Variants in MPPED1 observed in about 807,000 individuals in gnomAD.
MPPED1 encodes the protein metallophosphoesterase domain-containing protein 1.
A neutral mutation model predicts 36.2 loss-of-function variants in MPPED1; 16 were observed. The ratio of observed to expected loss-of-function variants is 0.44; its 90% CI spans 0.30 to 0.67. The LOEUF (loss-of-function observed/expected upper bound fraction) is 0.67, where lower values mean the gene tolerates loss of function less well. Ranked by LOEUF, MPPED1 falls within the 30% of genes least tolerant of loss-of-function variation. The pLI is 0.10. For synonymous variants in MPPED1, 199 were observed against 191.3 expected (o/e 1.04, Z -0.33); for missense variants, 307 against 453.4 (o/e 0.68, Z 2.93).
rs1054686921 is a variant in MPPED1 at position 43,424,815 on chromosome 22, C to T, written c.-78-93C>T. On this transcript the variant is annotated intron_variant, in intron 1 of 6. Transcript: ENST00000443721. ...ACTGTGTTTTTTTTTCCTCTCCCCC[C>T]GCCCTCTCCCTCTTTCTAAATCTTC... The T allele has an allele frequency of 7.0e-5, 99 of 1,421,300 alleles. No individual in the cohort carries two copies. In the Admixed American group the frequency reaches 2.0e-3, roughly 28 times the overall value. 88.0% of individuals were successfully genotyped at this position (1,421,300 alleles called of 1,614,324 possible).
chr22:43,491,281 G>C lies in MPPED1; in HGVS notation c.633-6954G>C, dbSNP rs550503803. 6.1e-3 allele frequency among the ~76,000 whole-genome samples: 922 copies of C among 152,276 alleles called. 3 individuals are homozygous for C. The highest frequency in any genetic ancestry group is 0.021 in the African/African-American group (873 of 41,554). On this transcript the variant is annotated intron_variant, in intron 4 of 6. Coordinates refer to ENST00000443721, the MANE Select transcript of MPPED1 (RefSeq NM_001044370.2). Reference sequence around the variant, plus strand: ...TGGTGATATAGGAGGTGATGGTGATGGTGGTGATATTGATAATGGTGGTGT... The same window carrying C: ...TGGTGATATAGGAGGTGATGGTGATCGTGGTGATATTGATAATGGTGGTGT...
chr22:43,496,296 T>A (rs1180516774), intron 4 of MPPED1, among the ~76,000 whole-genome samples: 4 of 47,464 alleles, frequency 8.4e-5, no homozygotes, highest in Admixed American at 2.2e-4. Flanking sequence ...GTGGAGGTGG[T>A]GGTGGAGGTA....
chr22:43,460,881 C>G (rs551796922), intron 3 of MPPED1, among the ~76,000 whole-genome samples: 1 of 152,310 alleles, frequency 6.6e-6, no homozygotes. Context: ...GCATGATCCT[C>G]TAGATGTCCT....
At chr22:43,500,184 A>ATGG (rs1555904910) in intron 5 of MPPED1, among the ~76,000 whole-genome samples, 1 of 12,788 alleles carries the variant, frequency 7.8e-5, no homozygotes, top group Non-Finnish European at 1.3e-4. Flanking sequence ...GGTGGTGGTG[A>ATGG]TGGTGATGGA....
intron 1 of MPPED1, among the ~76,000 whole-genome samples, chr22:43,420,869 T>G (rs1268185056): frequency 2.0e-5 from 3 of 152,240 alleles, no homozygotes; most frequent in African/African-American, 7.2e-5. Flanking sequence ...AGCCTCTTTG[T>G]TTTTCCATTG....
chr22:43,438,327 C>G (rs561611025), intron 3 of MPPED1, among the ~76,000 whole-genome samples: 1 of 152,258 alleles, frequency 6.6e-6, no homozygotes, highest in East Asian at 1.9e-4. Flanking sequence ...CAGCTCTGGG[C>G]AGGACCCGTT....
chr22:43,457,378 C>T (rs1260278083), intron 3 of MPPED1, among the ~76,000 whole-genome samples: 2 of 152,076 alleles, frequency 1.3e-5, no homozygotes, highest in Non-Finnish European at 2.9e-5. Context: ...CATTCTTTTA[C>T]TTTCAACCCA....
At chr22:43,482,119 C>T (rs1036300231) in intron 4 of MPPED1, among the ~76,000 whole-genome samples, 1 of 152,060 alleles carries the variant, frequency 6.6e-6, no homozygotes, top group Admixed American at 6.6e-5. Flanking sequence ...GGTACAAAAT[C>T]CCAAGTGTTA....
rs189538694 is a variant in MPPED1 at position 43,449,839 on chromosome 22, C to T, written c.406+14624C>T. ...GTTTCTCACAGGGCCTTGGTGAGAC[C>T]CGAACAAGATAATGCAGGTGAAGTG... is the stretch of plus-strand genomic sequence containing the variant. On this transcript the variant is annotated intron_variant, in intron 3 of 6. Transcript: ENST00000443721. Among the ~76,000 whole-genome samples, 4 of 151,778 alleles carry T rather than the reference C, an allele frequency of 2.6e-5. No individual in the cohort carries two copies. In the East Asian group the frequency reaches 7.9e-4, roughly 30 times the overall value.
chr22:43,495,338 A>G (rs1338904624), intron 4 of MPPED1, among the ~76,000 whole-genome samples: 6 of 92,160 alleles, frequency 6.5e-5, no homozygotes, highest in East Asian at 4.2e-4. Context: ...GGTGGTAGTG[A>G]TGGAGGTGTT....
intron 5 of MPPED1, among the ~76,000 whole-genome samples, chr22:43,500,277 G>GTGA (rs1228427471): frequency 1.9e-5 from 2 of 105,508 alleles, no homozygotes; most frequent in African/African-American, 8.9e-5. Flanking sequence ...GATGGAGGTG[G>GTGA]CGGTGGTGAT....
intron 3 of MPPED1, among the ~76,000 whole-genome samples, chr22:43,447,203 C>T (rs1427184730): frequency 6.6e-6 from 1 of 152,106 alleles, no homozygotes; most frequent in Non-Finnish European, 1.5e-5. Context: ...GGCTGTGGAC[C>T]CTTTGGGGAG....
intron 4 of MPPED1, among the ~76,000 whole-genome samples, chr22:43,495,520 G>A (rs1932263931): frequency 1.5e-5 from 2 of 133,840 alleles, no homozygotes; most frequent in African/African-American, 2.8e-5. Flanking sequence ...TGGTGGTGGT[G>A]GAGGTGGTGG....
chr22:43,487,953 C>T (rs78445690), intron 4 of MPPED1, among the ~76,000 whole-genome samples: 2,961 of 152,240 alleles, frequency 0.019, 51 homozygotes, highest in South Asian at 0.042. Flanking sequence ...ATTTTCATCA[C>T]TCTGGGATGG....
intron 1 of MPPED1, among the ~76,000 whole-genome samples, chr22:43,413,402 C>T (rs60998473): frequency 0.058 from 8,741 of 151,324 alleles, 734 homozygotes; most frequent in African/African-American, 0.18. Context: ...AAAATTAAAC[C>T]AACTTGGTGA....
intron 3 of MPPED1, among the ~76,000 whole-genome samples, chr22:43,436,195 A>G (rs1022784145): frequency 6.6e-6 from 1 of 152,236 alleles, no homozygotes; most frequent in Non-Finnish European, 1.5e-5. Flanking sequence ...ACAGTGAGGC[A>G]TCTCTGTCCC....
chr22:43,468,411 C>T (rs957458714), intron 3 of MPPED1, among the ~76,000 whole-genome samples: 4 of 152,168 alleles, frequency 2.6e-5, no homozygotes, highest in African/African-American at 9.7e-5. Flanking sequence ...AGGGTTTGAC[C>T]GGTGCCACAA....
At chr22:43,438,195 G>A (rs536854959) in intron 3 of MPPED1, among the ~76,000 whole-genome samples, 2 of 152,250 alleles carry the variant, frequency 1.3e-5, no homozygotes, top group Admixed American at 1.3e-4. Flanking sequence ...AGAGCTATGG[G>A]GTCTGTCTGG....
At chr22:43,496,475 G>A (rs1339163464) in intron 4 of MPPED1, among the ~76,000 whole-genome samples, 1 of 80,664 alleles carries the variant, frequency 1.2e-5, no homozygotes. Flanking sequence ...GGTGGTGGTG[G>A]TGGTGGAGAT....
Sources: gnomAD v4.1 joint callset for allele counts (sites outside exome capture counted in the v4.1 genomes callset) on GRCh38, gnomAD v4.1.1 for gene constraint, MANE v1.5 for transcripts, NCBI Gene and HGNC (gene_info 2026-07-23, HGNC 2026-07-21) for gene names.